LYPLAL1: variants seen among roughly 807,000 people sequenced by gnomAD.
The protein encoded by LYPLAL1 is lysophospholipase like 1, also known as lysophospholipase-like protein 1.
A neutral mutation model predicts 19.7 loss-of-function variants in LYPLAL1; 23 were observed. The observed-to-expected ratio is 1.17, with a 90% CI of 0.84 to 1.65. LYPLAL1 has a LOEUF of 1.65. Among genes scored for constraint, LYPLAL1 ranks in the 40% most tolerant of loss-of-function variants. LYPLAL1 has a pLI of 0.00. For synonymous variants in LYPLAL1, 119 were observed against 96.3 expected (o/e 1.24, Z -1.38); for missense variants, 355 against 279.4 (o/e 1.27, Z -1.93).
the LYPLAL1 span, among the ~76,000 whole-genome samples, chr1:219,236,124 T>C: frequency 3.9e-5 from 6 of 152,318 alleles, no homozygotes; most frequent in Admixed American, 3.9e-4. Context: ...GGGTCCCATG[T>C]GGGATGATTG....
At chr1:219,384,476 T>C in the LYPLAL1 span, among the ~76,000 whole-genome samples, 1 of 152,224 alleles carries the variant, frequency 6.6e-6, no homozygotes, top group African/African-American at 2.4e-5. Context: ...TAGGTGAAGA[T>C]ATTTGATCCC....
the LYPLAL1 span, among the ~76,000 whole-genome samples, chr1:219,283,294 G>A: frequency 2.0e-5 from 3 of 152,118 alleles, no homozygotes; most frequent in Non-Finnish European, 2.9e-5. Context: ...AAGAAAATCC[G>A]GGTGTAACTT....
chr1:219,179,506 C>T (rs1440316842), intron 2 of LYPLAL1: 2 of 332,444 alleles, frequency 6.0e-6, no homozygotes, highest in African/African-American at 4.3e-5. Context: ...GCTTATGTAA[C>T]TCTGCTTCCT....
the LYPLAL1 span, among the ~76,000 whole-genome samples, chr1:219,305,682 C>A: frequency 2.0e-5 from 3 of 152,160 alleles, no homozygotes; most frequent in Non-Finnish European, 4.4e-5. Context: ...CTATCGTTTA[C>A]AAACAGAAAT....
At chr1:219,377,901 T>C in the LYPLAL1 span, among the ~76,000 whole-genome samples, 2 of 152,108 alleles carry the variant, frequency 1.3e-5, no homozygotes, top group South Asian at 4.1e-4. Context: ...AGAGAGTAAA[T>C]ATTGTGGCTT....
the LYPLAL1 span, among the ~76,000 whole-genome samples, chr1:219,415,925 G>A: frequency 2.0e-5 from 3 of 152,066 alleles, no homozygotes; most frequent in South Asian, 2.1e-4. Context: ...TTCACATAGC[G>A]CTTCTCTCTT....
the LYPLAL1 span, among the ~76,000 whole-genome samples, chr1:219,382,516 C>T: frequency 6.6e-6 from 1 of 152,128 alleles, no homozygotes; most frequent in African/African-American, 2.4e-5. Flanking sequence ...CCCACCACTG[C>T]GCCCGGCTAA....
downstream of LYPLAL1, among the ~76,000 whole-genome samples, chr1:219,217,763 C>G (rs1403241062): frequency 6.6e-6 from 1 of 152,058 alleles, no homozygotes; most frequent in Non-Finnish European, 1.5e-5. Flanking sequence ...CTCTTCATGC[C>G]CCCTACCCCA....
chr1:219,373,883 A>AAAAAAAAAAAAAAAAAAAC, the LYPLAL1 span, among the ~76,000 whole-genome samples: 1 of 2,756 alleles, frequency 3.6e-4, no homozygotes, highest in African/African-American at 4.8e-4. Context: ...AAAAAAAAAC[A>AAAAAAAAAAAAAAAAAAAC]AAAAAAAAAA....
chr1:219,372,517 G>A, the LYPLAL1 span, among the ~76,000 whole-genome samples: 65,161 of 151,902 alleles, frequency 0.43, 14,770 homozygotes, highest in East Asian at 0.78. Flanking sequence ...GTTCTAATGC[G>A]AACTCTGAAT....
chr1:219,373,149 T>C, the LYPLAL1 span, among the ~76,000 whole-genome samples: 2 of 152,214 alleles, frequency 1.3e-5, no homozygotes, highest in East Asian at 3.9e-4. Flanking sequence ...TAGTCCACAT[T>C]GGTGTGCGTA....
chr1:219,184,667 A>C (rs1294385867), intron 2 of LYPLAL1, among the ~76,000 whole-genome samples: 3 of 151,874 alleles, frequency 2.0e-5, no homozygotes, highest in African/African-American at 7.2e-5. Flanking sequence ...GAATTTATCA[A>C]ATGCTTTTCT....
At chr1:219,259,047 A>C in the LYPLAL1 span, among the ~76,000 whole-genome samples, 2 of 152,128 alleles carry the variant, frequency 1.3e-5, no homozygotes, top group Non-Finnish European at 2.9e-5. Context: ...GGAAATGCAA[A>C]TAAAAACAAC....
At chr1:219,244,363 G>A in the LYPLAL1 span, among the ~76,000 whole-genome samples, 12 of 152,294 alleles carry the variant, frequency 7.9e-5, no homozygotes, top group African/African-American at 2.6e-4. Flanking sequence ...TGCCTCTTGG[G>A]TAGAACTGTG....
chr1:219,313,116 C>A, the LYPLAL1 span, among the ~76,000 whole-genome samples: 2 of 152,078 alleles, frequency 1.3e-5, no homozygotes, highest in African/African-American at 4.8e-5. Context: ...TGTTTATAAT[C>A]CTTTATATCA....
chr1:219,195,031 G>T (rs569730702), intron 3 of LYPLAL1, among the ~76,000 whole-genome samples: 2 of 152,142 alleles, frequency 1.3e-5, no homozygotes, highest in South Asian at 4.2e-4. Flanking sequence ...ACAAAAATGA[G>T]TTCAAATCTA....
chr1:219,184,781 A>C (rs1283945628), intron 2 of LYPLAL1, among the ~76,000 whole-genome samples: 1 of 151,914 alleles, frequency 6.6e-6, no homozygotes, highest in Non-Finnish European at 1.5e-5. Flanking sequence ...TCCTGGGATA[A>C]ACCCTTTTGT....
chr1:219,325,583 G>C, the LYPLAL1 span, among the ~76,000 whole-genome samples: 2 of 152,130 alleles, frequency 1.3e-5, no homozygotes, highest in South Asian at 4.1e-4. Flanking sequence ...CATATGAAAA[G>C]AATAAAGACA....
At chr1:219,312,188 A>G in the LYPLAL1 span, among the ~76,000 whole-genome samples, 1 of 152,260 alleles carries the variant, frequency 6.6e-6, no homozygotes, top group Non-Finnish European at 1.5e-5. Context: ...AGGAGGAAGG[A>G]GGGCACTGGA....
Sources: gnomAD v4.1 joint callset for allele counts (sites outside exome capture counted in the v4.1 genomes callset) on GRCh38, gnomAD v4.1.1 for gene constraint, MANE v1.5 for transcripts, NCBI Gene and HGNC (gene_info 2026-07-23, HGNC 2026-07-21) for gene names.